The following SERGEF variants were observed in gnomAD, a reference collection of about 807,000 sequenced individuals.
The protein encoded by SERGEF is secretion-regulating guanine nucleotide exchange factor.
In SERGEF, 51 loss-of-function variants were observed where a neutral mutation model predicts 50.0. That is an observed-to-expected ratio of 1.02 (90% CI 0.81 to 1.29). The LOEUF (loss-of-function observed/expected upper bound fraction) is 1.29. Among genes scored for constraint, SERGEF ranks in the 50% most tolerant of loss-of-function variants. The pLI, the probability that SERGEF is intolerant of heterozygous loss-of-function variation, is 0.00. For synonymous variants in SERGEF, 205 were observed against 212.4 expected, an observed-to-expected ratio of 0.97 and a Z score of 0.30; for missense variants, 521 against 557.0, an observed-to-expected ratio of 0.94 and a Z score of 0.65.
At chr11:17,832,765 CTT>C (rs1358415016) in intron 10 of SERGEF, among the ~76,000 whole-genome samples, 1 of 152,166 alleles carries the variant, frequency 6.6e-6, no homozygotes, top group Non-Finnish European at 1.5e-5. Context: ...AAAAGTGACT[CTT>C]GTTATGTTTT....
intron 9 of SERGEF, among the ~76,000 whole-genome samples, chr11:17,937,857 T>C (rs940453290): frequency 2.0e-5 from 3 of 152,158 alleles, no homozygotes; most frequent in African/African-American, 7.2e-5. Flanking sequence ...CCTGGAATTC[T>C]ACAGCCCCCT....
intron 6 of SERGEF, among the ~76,000 whole-genome samples, chr11:17,994,475 CAAAAA>C (rs58280362): frequency 4.7e-5 from 3 of 63,734 alleles, no homozygotes; most frequent in Non-Finnish European, 8.2e-5. Context: ...GACTCTGTCT[CAAAAA>C]AAAAAAAAAA....
chr11:17,906,851 T>A lies in SERGEF; in HGVS notation c.1012-28607A>T, dbSNP rs113715185. 3.3e-3 allele frequency among the ~76,000 whole-genome samples: 455 copies of A among 138,562 alleles called. 3 individuals are homozygous for A. Among genetic ancestry groups the A allele is most frequent in the African/African-American group, 0.011 (414 of 36,868 alleles). 90.9% of individuals were successfully genotyped at this position (138,562 alleles called of 152,430 possible). On this transcript the variant is annotated intron_variant, in intron 9 of 10. Coordinates refer to ENST00000265965, the MANE Select transcript of SERGEF (RefSeq NM_012139.4). ...GAAAAAAAAAAAAAAAACCTCAGGGTAAAAAGAAAGAAATCATGTCTTTCG... is the reference window on the plus strand; with the variant it reads ...GAAAAAAAAAAAAAAAACCTCAGGGAAAAAAGAAAGAAATCATGTCTTTCG...
intron 9 of SERGEF, among the ~76,000 whole-genome samples, chr11:17,947,266 A>G (rs992216496): frequency 2.0e-5 from 3 of 152,218 alleles, no homozygotes; most frequent in African/African-American, 7.2e-5. Flanking sequence ...GAAGTTGTCC[A>G]GAAAAGATTC....
At chr11:17,881,635 T>G (rs1209664929) in intron 9 of SERGEF, among the ~76,000 whole-genome samples, 3 of 152,234 alleles carry the variant, frequency 2.0e-5, no homozygotes, top group Non-Finnish European at 2.9e-5. Flanking sequence ...ACCAGGAAGC[T>G]AGATGAGTCC....
intron 9 of SERGEF, among the ~76,000 whole-genome samples, chr11:17,883,776 A>G (rs517814): frequency 0.69 from 105,017 of 152,130 alleles, 37,015 homozygotes; most frequent in African/African-American, 0.83. Context: ...CATCCTGCCT[A>G]GGGCTAGGAG....
At chr11:17,880,391 C>T (rs1851314682) in intron 9 of SERGEF, among the ~76,000 whole-genome samples, 1 of 152,024 alleles carries the variant, frequency 6.6e-6, no homozygotes, top group African/African-American at 2.4e-5. Flanking sequence ...AGATGTCGAA[C>T]AATTGGGAAA....
intron 8 of SERGEF, among the ~76,000 whole-genome samples, chr11:17,982,652 A>G (rs1367268672): frequency 6.6e-6 from 1 of 152,190 alleles, no homozygotes; most frequent in Non-Finnish European, 1.5e-5. Flanking sequence ...CCCAAAACAG[A>G]AAAATCAGCA....
intron 10 of SERGEF, among the ~76,000 whole-genome samples, chr11:17,833,116 C>T (rs1850340104): frequency 6.6e-6 from 1 of 152,216 alleles, no homozygotes; most frequent in Non-Finnish European, 1.5e-5. Context: ...AGAGCAGCCC[C>T]TTCCATCATA....
chr11:17,893,937 T>C (rs1851578075), intron 9 of SERGEF, among the ~76,000 whole-genome samples: 1 of 152,216 alleles, frequency 6.6e-6, no homozygotes, highest in African/African-American at 2.4e-5. Context: ...GTCTTAATTC[T>C]GGCCTTAGCT....
At chr11:18,003,408 G>A (rs1421934399) in intron 4 of SERGEF, among the ~76,000 whole-genome samples, 2 of 152,178 alleles carry the variant, frequency 1.3e-5, no homozygotes, top group Admixed American at 6.5e-5. Flanking sequence ...GTCCAATATG[G>A]TAGCCACTAC....
chr11:17,959,437 G>A (rs1197482998), intron 9 of SERGEF, 33 bp downstream of exon 9: 1 of 1,582,584 alleles, frequency 6.3e-7, no homozygotes. Flanking sequence ...AAGAAAAAGG[G>A]ACAGATTACA....
chr11:17,871,981 G>A (rs484055), intron 10 of SERGEF, among the ~76,000 whole-genome samples: 62,542 of 152,030 alleles, frequency 0.41, 13,394 homozygotes, highest in East Asian at 0.75. Flanking sequence ...AAGAATGTAC[G>A]TAGCATCCCC....
chr11:17,975,779 C>A (rs948721277), intron 8 of SERGEF, among the ~76,000 whole-genome samples: 21 of 152,292 alleles, frequency 1.4e-4, no homozygotes, highest in Admixed American at 9.1e-4. Flanking sequence ...CACAGAGTAA[C>A]GCCTCAACAA....
At chr11:17,935,318 A>C (rs1045994026) in intron 9 of SERGEF, among the ~76,000 whole-genome samples, 3 of 152,136 alleles carry the variant, frequency 2.0e-5, no homozygotes, top group South Asian at 4.1e-4. Context: ...TCCACACACA[A>C]AAAATTTTTT....
At chr11:17,798,805 T>C (rs1849612204) in intron 10 of SERGEF, among the ~76,000 whole-genome samples, 1 of 152,198 alleles carries the variant, frequency 6.6e-6, no homozygotes, top group Non-Finnish European at 1.5e-5. Context: ...TTATGGGCTT[T>C]TGTATCACCC....
At chr11:17,989,127 T>C (rs1229289654) in intron 7 of SERGEF, among the ~76,000 whole-genome samples, 1 of 152,216 alleles carries the variant, frequency 6.6e-6, no homozygotes, top group Non-Finnish European at 1.5e-5. Context: ...AAAAAATGCT[T>C]TAAATTTTCA....
intron 10 of SERGEF, among the ~76,000 whole-genome samples, chr11:17,789,475 T>C (rs935258430): frequency 6.6e-6 from 1 of 152,224 alleles, no homozygotes; most frequent in Non-Finnish European, 1.5e-5. Flanking sequence ...CCAACATTCA[T>C]GCCCAGGTAA....
At chr11:18,012,244 TG>T (rs146655375) in intron 1 of SERGEF, among the ~76,000 whole-genome samples, 3,584 of 152,254 alleles carry the variant, frequency 0.024, 60 homozygotes, top group South Asian at 0.06. Context: ...TCATTACAAT[TG>T]TGATACGTGC....
Sources: allele counts gnomAD v4.1 joint callset (sites outside exome capture counted in the v4.1 genomes callset), GRCh38; gene constraint gnomAD v4.1.1; transcripts MANE v1.5; gene names NCBI Gene and HGNC (gene_info 2026-07-23, HGNC 2026-07-21).